The following TRAF3 variants were observed in gnomAD, a reference collection of about 807,000 sequenced individuals.
TRAF3 encodes the protein TNF receptor-associated factor 3.
In TRAF3, 13 loss-of-function variants were observed where a neutral mutation model predicts 62.3. The ratio of observed to expected loss-of-function variants is 0.21; its 90% confidence interval spans 0.14 to 0.33. The LOEUF is 0.33. TRAF3 is among the 10% of genes least tolerant of loss of function. The pLI is 1.00. For synonymous variants in TRAF3, 269 were observed against 283.4 expected (o/e 0.95, Z 0.51); for missense variants, 440 against 741.8 (o/e 0.59, Z 4.73).
intron 2 of TRAF3, among the ~76,000 whole-genome samples, chr14:102,853,785 C>T (rs1250433315): frequency 6.6e-6 from 1 of 151,504 alleles, no homozygotes; most frequent in Admixed American, 6.6e-5. Context: ...TTGCAGTGAG[C>T]CGAGATTGCG....
At chr14:102,845,258 A>G (rs564833470) in intron 2 of TRAF3, among the ~76,000 whole-genome samples, 2 of 151,198 alleles carry the variant, frequency 1.3e-5, no homozygotes, top group South Asian at 2.1e-4. Context: ...GCTGGAGTAC[A>G]GTGGTGCAAT....
chr14:102,884,842 T>C (rs770832670), intron 6 of TRAF3, among the ~76,000 whole-genome samples: 1 of 152,002 alleles, frequency 6.6e-6, no homozygotes, highest in Non-Finnish European at 1.5e-5. Flanking sequence ...CACATATATA[T>C]GTGCTTAACC....
At chr14:102,807,033 C>T (rs760261467) in intron 1 of TRAF3, among the ~76,000 whole-genome samples, 1 of 152,192 alleles carries the variant, frequency 6.6e-6, no homozygotes, top group South Asian at 2.1e-4. Context: ...TGTTTTCCCA[C>T]GTCCCTGGTC....
intron 1 of TRAF3, among the ~76,000 whole-genome samples, chr14:102,807,602 G>A (rs950125544): frequency 2.0e-5 from 3 of 152,180 alleles, no homozygotes; most frequent in Non-Finnish European, 4.4e-5. Flanking sequence ...GAGGATGGGT[G>A]GATGATTCAC....
chr14:102,816,653 A>G (rs1899543178), intron 1 of TRAF3, among the ~76,000 whole-genome samples: 1 of 152,214 alleles, frequency 6.6e-6, no homozygotes. Flanking sequence ...TTTTAATAGC[A>G]TGACATTCTG....
chr14:102,789,131 A>G (rs531600088), intron 1 of TRAF3, among the ~76,000 whole-genome samples: 22 of 152,146 alleles, frequency 1.4e-4, no homozygotes, highest in African/African-American at 5.3e-4. Context: ...TGTTTTTTGT[A>G]TCTGGCTGCT....
chr14:102,897,135 T>A (rs928942014), intron 9 of TRAF3, 126 bp from the exon 10 acceptor site: 4 of 918,278 alleles, frequency 4.4e-6, no homozygotes, highest in Admixed American at 2.6e-5. Context: ...GTGAAGGGAT[T>A]TTTTTCTTCT....
At chr14:102,822,856 A>G (rs968076141) in intron 1 of TRAF3, among the ~76,000 whole-genome samples, 4 of 152,090 alleles carry the variant, frequency 2.6e-5, no homozygotes, top group African/African-American at 4.8e-5. Flanking sequence ...AAAATACAAA[A>G]TTAGCCGGGC....
intron 10 of TRAF3, among the ~76,000 whole-genome samples, chr14:102,902,108 G>A (rs2139997126): frequency 6.6e-6 from 1 of 152,352 alleles, no homozygotes; most frequent in East Asian, 1.9e-4. Flanking sequence ...TGACAAATAT[G>A]AGCAGCCTGT....
At chr14:102,879,149 T>C (rs1378025925) in intron 6 of TRAF3, among the ~76,000 whole-genome samples, 1 of 151,734 alleles carries the variant, frequency 6.6e-6, no homozygotes, top group Admixed American at 6.6e-5. Flanking sequence ...CGTGGGGGCC[T>C]GGGCACACCC....
intron 10 of TRAF3, among the ~76,000 whole-genome samples, chr14:102,900,268 C>T (rs1349810951): frequency 1.3e-5 from 2 of 149,806 alleles, no homozygotes; most frequent in African/African-American, 2.5e-5. Context: ...TTTGGAAGGC[C>T]GAGGCGGGTG....
At position 102,866,697 on chromosome 14, in the gene TRAF3, T is replaced by C. The variant is rs1038886293; in HGVS notation, c.-17-3488T>C. Among the ~76,000 whole-genome samples, 7 of 151,958 alleles carry C rather than the reference T, an allele frequency of 4.6e-5. No individual in the cohort carries two copies. In the East Asian group the frequency reaches 1.4e-3, roughly 29 times the overall value. On this transcript the variant is annotated intron_variant, in intron 2 of 11. Coordinates refer to ENST00000392745, the MANE Select transcript of TRAF3 (RefSeq NM_145725.3). ...CCAGCTCCTGAAAAAATAAAAAAATTAGCTGGGCATGGTGGCATGTGCCTA... is the reference window on the plus strand; with the variant it reads ...CCAGCTCCTGAAAAAATAAAAAAATCAGCTGGGCATGGTGGCATGTGCCTA...
chr14:102,816,808 T>C (rs1566752802), intron 1 of TRAF3, among the ~76,000 whole-genome samples: 1 of 152,208 alleles, frequency 6.6e-6, no homozygotes, highest in Non-Finnish European at 1.5e-5. Context: ...AGTCATGCAC[T>C]CCTGTGCCCG....
At chr14:102,820,328 C>A (rs1486436245) in intron 1 of TRAF3, among the ~76,000 whole-genome samples, 1 of 151,930 alleles carries the variant, frequency 6.6e-6, no homozygotes, top group African/African-American at 2.4e-5. Context: ...ATGCTGCAGA[C>A]CAGGAGCGCT....
chr14:102,806,759 G>C (rs1898797879), intron 1 of TRAF3, among the ~76,000 whole-genome samples: 1 of 152,124 alleles, frequency 6.6e-6, no homozygotes, highest in African/African-American at 2.4e-5. Context: ...GGGAGGTCAA[G>C]AGTGGAGTGC....
intron 11 of TRAF3, 126 bp from the exon 12 acceptor site, chr14:102,905,086 TG>T: frequency 2.0e-6 from 2 of 987,160 alleles, no homozygotes; most frequent in Non-Finnish European, 3.1e-6. Flanking sequence ...CACTCCAGTC[TG>T]GGCAACAGAG....
At chr14:102,785,794 A>G (rs998179656) in intron 1 of TRAF3, among the ~76,000 whole-genome samples, 2 of 152,192 alleles carry the variant, frequency 1.3e-5, no homozygotes, top group African/African-American at 4.8e-5. Context: ...TTTCATGGCC[A>G]TTTGTACCTG....
At chr14:102,888,917 C>T (rs567405880) in intron 7 of TRAF3, among the ~76,000 whole-genome samples, 1 of 152,140 alleles carries the variant, frequency 6.6e-6, no homozygotes, top group Non-Finnish European at 1.5e-5. Context: ...AAACGAGTTA[C>T]CTGCTCCCAG....
At chr14:102,855,761 A>C (rs1289868311) in intron 2 of TRAF3, among the ~76,000 whole-genome samples, 1 of 148,500 alleles carries the variant, frequency 6.7e-6, no homozygotes, top group African/African-American at 2.5e-5. Context: ...ATGCCACCGC[A>C]CTCCAGCTTG....
Sources: gnomAD v4.1 joint callset for allele counts (sites outside exome capture counted in the v4.1 genomes callset) on GRCh38, gnomAD v4.1.1 for gene constraint, MANE v1.5 for transcripts, NCBI Gene and HGNC (gene_info 2026-07-23, HGNC 2026-07-21) for gene names.